Variants in PCED1B observed in about 807,000 individuals in gnomAD.
The protein encoded by PCED1B is PC-esterase domain-containing protein 1B.
For synonymous variants in PCED1B, 251 were observed against 246.1 expected (o/e 1.02, Z -0.19); for missense variants, 573 against 573.9 (o/e 1.00, Z 0.02).
intron 2 of PCED1B, among the ~76,000 whole-genome samples, chr12:47,153,667 C>A (rs533176917): frequency 6.6e-6 from 1 of 152,126 alleles, no homozygotes; most frequent in African/African-American, 2.4e-5. Flanking sequence ...AACTTTGAAC[C>A]TTTGCATTGC....
At chr12:47,106,051 A>G (rs1185410065) in intron 2 of PCED1B, among the ~76,000 whole-genome samples, 1 of 152,164 alleles carries the variant, frequency 6.6e-6, no homozygotes, top group Non-Finnish European at 1.5e-5. Context: ...TTTACAGAGG[A>G]GCTAACAAGA....
At chr12:47,109,010 T>C (rs1939078659) in intron 2 of PCED1B, among the ~76,000 whole-genome samples, 1 of 152,252 alleles carries the variant, frequency 6.6e-6, no homozygotes, top group African/African-American at 2.4e-5. Context: ...TTAATCATGA[T>C]TCAGGTCTTG....
intron 2 of PCED1B, among the ~76,000 whole-genome samples, chr12:47,110,886 G>C (rs1259580462): frequency 2.0e-5 from 3 of 152,152 alleles, no homozygotes; most frequent in African/African-American, 7.2e-5. Context: ...CACAGTTGCA[G>C]GGAAACATGA....
At position 47,186,087 on chromosome 12, in the gene PCED1B, A is replaced by G. The variant is rs1026288976; in HGVS notation, c.-525-30135A>G. The stretch of plus-strand genomic sequence containing the variant: ...AACAAAATTAGCCAGATGTGGTGGC[A>G]CGCCCCTGTAATCCCAGCTACTCAG... On this transcript the variant is annotated intron_variant, in intron 2 of 3. Transcript: ENST00000546455. 5.7e-4 allele frequency among the ~76,000 whole-genome samples: 86 copies of G among 152,026 alleles called. 1 individual carries two copies. Among genetic ancestry groups the G allele is most frequent in the African/African-American group, 2.1e-3 (86 of 41,480 alleles).
At chr12:47,091,400 T>C (rs2137174665) in intron 1 of PCED1B, among the ~76,000 whole-genome samples, 1 of 152,288 alleles carries the variant, frequency 6.6e-6, no homozygotes, top group South Asian at 2.1e-4. Context: ...CTTGCAGGTG[T>C]TCTTTATACA....
intron 2 of PCED1B, among the ~76,000 whole-genome samples, chr12:47,169,144 G>T (rs11183767): frequency 0.21 from 32,254 of 152,124 alleles, 4,061 homozygotes; most frequent in East Asian, 0.43. Context: ...AAGACCTAAA[G>T]AAACAGTTAA....
chr12:47,093,867 T>G (rs1938366215), intron 1 of PCED1B, among the ~76,000 whole-genome samples: 1 of 152,112 alleles, frequency 6.6e-6, no homozygotes, highest in South Asian at 2.1e-4. Context: ...AATGTTCTTA[T>G]GTTCTTTGTA....
chr12:47,085,027 C>T (rs116010999), intron 1 of PCED1B, among the ~76,000 whole-genome samples: 326 of 152,242 alleles, frequency 2.1e-3, no homozygotes, highest in African/African-American at 7.6e-3. Flanking sequence ...ACCTATAATC[C>T]CAGTTACTCA....
At chr12:47,118,876 G>A (rs867491881) in intron 2 of PCED1B, among the ~76,000 whole-genome samples, 1 of 152,120 alleles carries the variant, frequency 6.6e-6, no homozygotes, top group African/African-American at 2.4e-5. Context: ...TTGAGCAGTG[G>A]TTTGTAGTTG....
chr12:47,148,019 C>T (rs1309153594), intron 2 of PCED1B, among the ~76,000 whole-genome samples: 14 of 152,268 alleles, frequency 9.2e-5, no homozygotes, highest in African/African-American at 2.4e-4. Flanking sequence ...ATTTATTTCT[C>T]ATAGTTCTGG....
At chr12:47,224,690 T>C (rs149360538) in intron 3 of PCED1B, among the ~76,000 whole-genome samples, 124 of 152,350 alleles carry the variant, frequency 8.1e-4, no homozygotes, top group African/African-American at 2.2e-3. Context: ...AAATACAGGC[T>C]ATATGGCGTG....
At chr12:47,170,559 C>A (rs1015434824) in intron 2 of PCED1B, among the ~76,000 whole-genome samples, 2 of 152,290 alleles carry the variant, frequency 1.3e-5, no homozygotes, top group Admixed American at 6.5e-5. Context: ...TCTTTAATTT[C>A]ATTGGTGGTT....
intron 2 of PCED1B, among the ~76,000 whole-genome samples, chr12:47,186,153 G>A (rs998140961): frequency 1.3e-5 from 2 of 151,914 alleles, no homozygotes; most frequent in Admixed American, 6.6e-5. Context: ...AGGGGGCAGG[G>A]GTTGCAGTGA....
chr12:47,154,412 T>C (rs1941118225), intron 2 of PCED1B, among the ~76,000 whole-genome samples: 2 of 152,164 alleles, frequency 1.3e-5, no homozygotes, highest in Admixed American at 6.5e-5. Flanking sequence ...TAGAGGTCAG[T>C]GTCTCCTTTC....
rs368685456 is a variant in PCED1B at position 47,236,124 on chromosome 12, A to G, written c.1061A>G (p.Tyr354Cys). 5.6e-6 allele frequency: 9 copies of G among 1,613,836 alleles called. No individual in the cohort carries two copies. Among genetic ancestry groups the G allele is most frequent in the East Asian group, 2.2e-5 (1 of 44,848 alleles). The change falls in exon 4 of 4, where the codon TAT becomes TGT. Residue 354 changes from tyrosine to cysteine, a missense_variant. Coordinates refer to ENST00000546455, the MANE Select transcript of PCED1B (RefSeq NM_138371.3). ...CATACTTTCCAGTCGGATCAATTCT[A>G]TTGCCATTCAGATGTCCCCTCATCA... ...SDHTFQSDQF[Y>C]CHSDVPSSAH...
chr12:47,197,666 G>T lies in PCED1B; in HGVS notation c.-525-18556G>T, dbSNP rs112432928. ...TAAAATACAATGATATACAAAAAAAGGGAGAAGACATAAATTACTAATAAT... is the reference window on the plus strand; with the variant it reads ...TAAAATACAATGATATACAAAAAAATGGAGAAGACATAAATTACTAATAAT... On this transcript the variant is annotated intron_variant, in intron 2 of 3. Coordinates refer to ENST00000546455, the MANE Select transcript of PCED1B (RefSeq NM_138371.3). Among the ~76,000 whole-genome samples the T allele has an allele frequency of 7.9e-5, 12 of 151,446 alleles. 1 individual carries two copies. Among genetic ancestry groups the T allele is most frequent in the Admixed American group, 4.6e-4 (7 of 15,222 alleles).
chr12:47,233,751 C>T (rs1943883275), intron 3 of PCED1B, among the ~76,000 whole-genome samples: 1 of 152,168 alleles, frequency 6.6e-6, no homozygotes, highest in African/African-American at 2.4e-5. Context: ...GGGCAGATAA[C>T]TCTTCCTGCA....
chr12:47,211,952 G>T (rs968091476), intron 2 of PCED1B, among the ~76,000 whole-genome samples: 1 of 150,758 alleles, frequency 6.6e-6, no homozygotes, highest in African/African-American at 2.4e-5. Flanking sequence ...GCGGGCGCCT[G>T]TAGTCCCAGC....
At chr12:47,217,476 G>GA (rs765967984) in intron 3 of PCED1B, among the ~76,000 whole-genome samples, 1 of 100,166 alleles carries the variant, frequency 1.0e-5, no homozygotes, top group Non-Finnish European at 2.1e-5. Flanking sequence ...GAAAGAGAAA[G>GA]AAAGAAAGAA....
Sources: gnomAD v4.1 joint callset for allele counts (sites outside exome capture counted in the v4.1 genomes callset) on GRCh38, gnomAD v4.1.1 for gene constraint, MANE v1.5 for transcripts, NCBI Gene and HGNC (gene_info 2026-07-23, HGNC 2026-07-21) for gene names.